The following TRAM2 variants were observed in gnomAD, a reference collection of about 807,000 sequenced individuals.
The protein encoded by TRAM2 is translocating chain-associated membrane protein 2.
TRAM2 carries 12 observed loss-of-function variants against 51.0 expected under a neutral mutation model. The ratio of observed to expected loss-of-function variants is 0.24; its 90% confidence interval spans 0.15 to 0.38. TRAM2 has a LOEUF of 0.38. Ranked by LOEUF, TRAM2 falls within the 10% of genes least tolerant of loss-of-function variation. TRAM2 has a pLI of 1.00. For missense variants in TRAM2, 361 were observed against 462.0 expected, an observed-to-expected ratio of 0.78 and a Z score of 2.00; for synonymous variants, 175 against 179.4, an observed-to-expected ratio of 0.98 and a Z score of 0.20.
intron 2 of TRAM2, among the ~76,000 whole-genome samples, chr6:52,527,117 C>T (rs1371803275): frequency 6.6e-6 from 1 of 152,092 alleles, no homozygotes; most frequent in Admixed American, 6.5e-5. Context: ...TGGTGGCTCA[C>T]ACCTGTAATC....
At chr6:52,528,949 G>C (rs1766833906) in intron 2 of TRAM2, among the ~76,000 whole-genome samples, 1 of 149,524 alleles carries the variant, frequency 6.7e-6, no homozygotes, top group Non-Finnish European at 1.5e-5. Context: ...GGAGTGCAGT[G>C]GCGTGGTCTC....
intron 7 of TRAM2, among the ~76,000 whole-genome samples, 193 bp from the exon 8 acceptor site, chr6:52,506,329 C>T (rs1220604297): frequency 6.6e-6 from 1 of 152,052 alleles, no homozygotes; most frequent in Non-Finnish European, 1.5e-5. Context: ...TTCCTAATAC[C>T]GACCCGCTGG....
intron 4 of TRAM2, among the ~76,000 whole-genome samples, chr6:52,512,087 C>G (rs1368058781): frequency 6.6e-6 from 1 of 152,104 alleles, no homozygotes; most frequent in Admixed American, 6.5e-5. Flanking sequence ...CCAGGGACAT[C>G]AGAAAGGTGA....
chr6:52,548,561 C>T (rs1042524527), intron 1 of TRAM2, among the ~76,000 whole-genome samples: 1 of 152,210 alleles, frequency 6.6e-6, no homozygotes, highest in African/African-American at 2.4e-5. Flanking sequence ...CTTAATGCTC[C>T]CAGAGGCCCT....
chr6:52,500,108 C>T lies in TRAM2; in HGVS notation c.*3089G>A, dbSNP rs2114052517. ...TCCCCACAAATGTAAGTTAGTTAGC[C>T]AGGGCTGTCGAGAGGCCACAGTTGC... On this transcript the variant is annotated 3_prime_UTR_variant, in exon 11 of 11. Coordinates refer to ENST00000182527, the MANE Select transcript of TRAM2 (RefSeq NM_012288.4). 1 of 152,624 alleles carries T rather than the reference C, an allele frequency of 6.6e-6. No homozygotes were observed. The highest frequency in any genetic ancestry group is 2.1e-4 in the South Asian group (1 of 4,812). 9.5% of individuals were successfully genotyped at this position (152,624 alleles called of 1,614,324 possible). A position where few individuals can be genotyped will look rare whatever the true frequency, so the allele number is the denominator to read the frequency against.
intron 2 of TRAM2, among the ~76,000 whole-genome samples, chr6:52,527,132 C>T (rs1766796179): frequency 6.6e-6 from 1 of 152,050 alleles, no homozygotes; most frequent in Admixed American, 6.5e-5. Context: ...GTAATCCCAG[C>T]ACTTTGAGAG....
chr6:52,505,495 T>C lies in TRAM2; in HGVS notation c.875+104A>G, dbSNP rs1272563771. On this transcript the variant is annotated intron_variant, in intron 9 of 10. Transcript: ENST00000182527. ...TCCAGAGATTTCCAAAAAATAACAA[T>C]ATGTGGGAGACTAAAGGGTCTGCTG... The C allele has an allele frequency of 4.2e-6, 6 of 1,439,304 alleles. No individual in the cohort carries two copies. In the East Asian group the frequency reaches 1.4e-4, roughly 34 times the overall value. The allele number at this position is 1,439,304 out of a possible 1,614,324, so 89.2% of individuals were successfully genotyped here. A position where few individuals can be genotyped will look rare whatever the true frequency, so the allele number is the denominator to read the frequency against.
chr6:52,524,884 A>G (rs1400411850), intron 2 of TRAM2: 1 of 152,188 alleles, frequency 6.6e-6, no homozygotes, highest in African/African-American at 2.4e-5. Flanking sequence ...ACAATGGGAT[A>G]AAACCATCTA....
chr6:52,505,675 T>C lies in TRAM2; in HGVS notation c.799A>G (p.Ile267Val), dbSNP rs1346467917. ...LFILTLAVLA[I>V]GFGLARMENQ... The stretch of plus-strand genomic sequence containing the variant: ...TCCATGCGAGCCAGTCCAAAGCCAA[T>C]GGCCAGCACGGCAAGGGTGAGGATG... Residue 267 changes from isoleucine to valine, a missense_variant, in exon 9 of 11, where the codon ATT becomes GTT. Transcript: ENST00000182527. 15 of 1,613,802 alleles carry C rather than the reference T, an allele frequency of 9.3e-6. No individual in the cohort carries two copies. The highest frequency in any genetic ancestry group is 8.9e-5 in the East Asian group (4 of 44,858).
intron 3 of TRAM2, 57 bp from the exon 4 acceptor site, chr6:52,516,179 G>GT (rs1766545094): frequency 6.7e-7 from 1 of 1,502,162 alleles, no homozygotes; most frequent in Non-Finnish European, 9.2e-7. Flanking sequence ...TATTGGGCAG[G>GT]TTTCAAACTC....
intron 2 of TRAM2, chr6:52,523,628 C>T (rs1170436679): frequency 1.3e-5 from 2 of 152,222 alleles, no homozygotes; most frequent in Non-Finnish European, 2.9e-5. Flanking sequence ...ACGGTACCAC[C>T]TCTTTGGAGG....
At chr6:52,515,628 A>G (rs1174167010) in intron 4 of TRAM2, among the ~76,000 whole-genome samples, 3 of 152,242 alleles carry the variant, frequency 2.0e-5, no homozygotes, top group African/African-American at 4.8e-5. Context: ...GAACTCTTCA[A>G]TCTGTAACAT....
chr6:52,533,240 G>A (rs77158227), intron 2 of TRAM2, among the ~76,000 whole-genome samples: 1 of 152,128 alleles, frequency 6.6e-6, no homozygotes, highest in Non-Finnish European at 1.5e-5. Flanking sequence ...AAATGGTTAC[G>A]ATAGTACATT....
intron 1 of TRAM2, among the ~76,000 whole-genome samples, chr6:52,565,830 C>T (rs1767581930): frequency 6.6e-6 from 1 of 152,196 alleles, no homozygotes; most frequent in Non-Finnish European, 1.5e-5. Context: ...GTCCACTGAA[C>T]ACGCCACGTC....
chr6:52,505,919 C>T, intron 8 of TRAM2, 113 bp downstream of exon 8: 1 of 1,400,326 alleles, frequency 7.1e-7, no homozygotes, highest in Non-Finnish European at 9.9e-7. Context: ...GAGGGCACCA[C>T]CTGCAGGTAA....
At chr6:52,563,577 G>C (rs1017203604) in intron 1 of TRAM2, among the ~76,000 whole-genome samples, 3 of 151,626 alleles carry the variant, frequency 2.0e-5, no homozygotes, top group African/African-American at 7.3e-5. Context: ...AAATTAGCCA[G>C]GCGTGGTGGT....
Position 52,498,895 on chromosome 6 carries a change from C to T in TRAM2, c.*4302G>A, listed in dbSNP as rs1403720788. On this transcript the variant is annotated 3_prime_UTR_variant, in exon 11 of 11. Transcript: ENST00000182527. ...AAAGTAAGGCACTTATTCTCACACA[C>T]AGGCGCACGCACGCAATCTGCTTGG... 1 of 152,560 alleles carries T rather than the reference C, an allele frequency of 6.6e-6. No individual in the cohort carries two copies. The highest frequency in any genetic ancestry group is 2.4e-5 in the African/African-American group (1 of 41,398). 9.5% of individuals were successfully genotyped at this position (152,560 alleles called of 1,614,324 possible).
At chr6:52,531,155 A>T (rs909055984) in intron 2 of TRAM2, among the ~76,000 whole-genome samples, 1 of 148,632 alleles carries the variant, frequency 6.7e-6, no homozygotes, top group South Asian at 2.2e-4. Context: ...CATTTCCAAG[A>T]GTAGAGTACG....
rs1184890167 is a variant in TRAM2, at chr6:52,497,822, G to T, written c.*5375C>A. 6.6e-6 allele frequency: 1 copy of T among 152,390 alleles called. No homozygotes were observed. The highest frequency in any genetic ancestry group is 2.4e-5 in the African/African-American group (1 of 41,400). 9.4% of individuals were successfully genotyped at this position (152,390 alleles called of 1,614,324 possible). ...ACTCAAATCTGTACCCAAGGAAACAGCGGTATTATATTTACTGTCACAGCT... is the reference window on the plus strand; with the variant it reads ...ACTCAAATCTGTACCCAAGGAAACATCGGTATTATATTTACTGTCACAGCT... On this transcript the variant is annotated 3_prime_UTR_variant, in exon 11 of 11. Transcript: ENST00000182527.
Sources: gnomAD v4.1 joint callset for allele counts (sites outside exome capture counted in the v4.1 genomes callset) on GRCh38, gnomAD v4.1.1 for gene constraint, MANE v1.5 for transcripts, NCBI Gene and HGNC (gene_info 2026-07-23, HGNC 2026-07-21) for gene names.